NPSR1: variants seen among roughly 807,000 people sequenced by gnomAD.
NPSR1 encodes neuropeptide S receptor 1, also known as neuropeptide S receptor.
NPSR1 carries 48 observed loss-of-function variants against 46.9 expected under a neutral mutation model. The observed-to-expected ratio is 1.02, with a 90% CI of 0.81 to 1.30. The LOEUF (loss-of-function observed/expected upper bound fraction) is 1.30, where lower values mean the gene tolerates loss of function less well. Among genes scored for constraint, NPSR1 ranks in the 50% most tolerant of loss-of-function variants. The probability of loss-of-function intolerance (pLI) is 0.00; values close to 1 mark genes in which losing one functional copy is unlikely to be tolerated. For missense variants in NPSR1, 450 were observed against 449.5 expected, an observed-to-expected ratio of 1.00 and a Z score of -0.01; for synonymous variants, 176 against 168.1, an observed-to-expected ratio of 1.05 and a Z score of -0.36.
chr7:34,765,743 CTT>C (rs1009830314), intron 2 of NPSR1, among the ~76,000 whole-genome samples: 1 of 152,174 alleles, frequency 6.6e-6, no homozygotes, highest in African/African-American at 2.4e-5. Context: ...GAAATCATGT[CTT>C]TACAGCAACT....
At chr7:34,669,051 C>T (rs1458539) in intron 1 of NPSR1, among the ~76,000 whole-genome samples, 20,100 of 152,144 alleles carry the variant, frequency 0.13, 1,481 homozygotes, top group African/African-American at 0.19. Context: ...AATCCAAAAA[C>T]TTTTACCCAG....
intron 1 of NPSR1, among the ~76,000 whole-genome samples, chr7:34,677,798 G>A (rs576428689): frequency 4.6e-5 from 7 of 152,314 alleles, no homozygotes; most frequent in Admixed American, 2.0e-4. Context: ...AATTTCTGTG[G>A]GAGGTTTACT....
chr7:34,748,760 G>T (rs987458060), intron 2 of NPSR1, among the ~76,000 whole-genome samples: 2 of 152,026 alleles, frequency 1.3e-5, no homozygotes, highest in East Asian at 3.9e-4. Context: ...TTGCTGGAGT[G>T]GGGGAAATAT....
rs756319448 is a variant in NPSR1, at chr7:34,827,489, A to T, written c.567A>T (p.Thr189=). 6.2e-7 allele frequency: 1 copy of T among 1,614,124 alleles called. No homozygotes were observed. Among genetic ancestry groups the T allele is most frequent in the South Asian group, 1.1e-5 (1 of 91,078 alleles). ...IPTLIIFGKR[T]LSNGEVQCWA... The stretch of plus-strand genomic sequence containing the variant: ...CCCTGATCATATTTGGGAAGAGGAC[A>T]CTGTCCAACGGTGAAGTGCAGTGCT... The change falls in exon 5 of 9, where the codon ACA becomes ACT. Residue 189 remains threonine, a synonymous_variant. Coordinates refer to ENST00000360581, the MANE Select transcript of NPSR1 (RefSeq NM_207172.2).
At chr7:34,836,657 CAGAAAGA>C (rs1790383398) in intron 6 of NPSR1, among the ~76,000 whole-genome samples, 1 of 122,666 alleles carries the variant, frequency 8.2e-6, no homozygotes, top group African/African-American at 3.2e-5. Flanking sequence ...GAAAGAAAGA[CAGAAAGA>C]AGAAAGAAAG....
chr7:34,747,264 C>CT (rs1325416055), intron 2 of NPSR1, among the ~76,000 whole-genome samples: 2 of 152,180 alleles, frequency 1.3e-5, no homozygotes, highest in African/African-American at 4.8e-5. Context: ...GTAACCCACC[C>CT]TACCCACTTT....
chr7:34,843,396 A>T (rs998168621), intron 6 of NPSR1, among the ~76,000 whole-genome samples: 6 of 152,150 alleles, frequency 3.9e-5, no homozygotes, highest in African/African-American at 7.2e-5. Flanking sequence ...CCACAATAAC[A>T]CAATAATAGC....
intron 3 of NPSR1, among the ~76,000 whole-genome samples, chr7:34,806,235 T>C (rs1210807418): frequency 1.3e-5 from 2 of 152,094 alleles, no homozygotes; most frequent in Non-Finnish European, 2.9e-5. Context: ...TATTGTAGCT[T>C]TATTCATAAT....
intron 2 of NPSR1, among the ~76,000 whole-genome samples, chr7:34,688,271 C>T (rs563519354): frequency 5.3e-5 from 8 of 152,214 alleles, no homozygotes; most frequent in South Asian, 2.1e-4. Flanking sequence ...CCATGCACAA[C>T]GTTCAGCACT....
At chr7:34,711,717 G>A (rs1351538629) in intron 2 of NPSR1, among the ~76,000 whole-genome samples, 1 of 152,242 alleles carries the variant, frequency 6.6e-6, no homozygotes, top group African/African-American at 2.4e-5. Context: ...GCCTAGCCCA[G>A]AGCCTGCTCA....
intron 1 of NPSR1, among the ~76,000 whole-genome samples, chr7:34,665,640 T>C (rs139863378): frequency 5.3e-5 from 8 of 152,350 alleles, no homozygotes; most frequent in Non-Finnish European, 8.8e-5. Context: ...CTTTTTCTTC[T>C]GATATCACGC....
chr7:34,863,948 C>A (rs1452140868), intron 8 of NPSR1, among the ~76,000 whole-genome samples: 1 of 151,738 alleles, frequency 6.6e-6, no homozygotes, highest in African/African-American at 2.4e-5. Context: ...CAGCACTGTT[C>A]ACAATAGCAA....
At chr7:34,770,172 C>T (rs35903633) in intron 2 of NPSR1, among the ~76,000 whole-genome samples, 3,463 of 152,176 alleles carry the variant, frequency 0.023, 116 homozygotes, top group African/African-American at 0.078. Flanking sequence ...ATAATCTTTC[C>T]GTTTTTTAAA....
rs189928669 is a variant in NPSR1 at position 34,847,163 on chromosome 7, C to A, written c.845-1320C>A. ...AGAGGGGAAACATGAGTCAGTTTAT[C>A]ATTCCAAAATTCCCAACAAGTTACA... On this transcript the variant is annotated intron_variant, in intron 7 of 8. Transcript: ENST00000360581. Among the ~76,000 whole-genome samples the A allele has an allele frequency of 7.7e-3, 1,166 of 152,272 alleles. 10 individuals carry two copies. Among genetic ancestry groups the A allele is most frequent in the Middle Eastern group, 0.014 (4 of 294 alleles).
intron 2 of NPSR1, among the ~76,000 whole-genome samples, chr7:34,772,777 A>G (rs1452696497): frequency 6.6e-6 from 1 of 152,174 alleles, no homozygotes; most frequent in Non-Finnish European, 1.5e-5. Flanking sequence ...GTCTGCCATC[A>G]ATCACAACTT....
intron 2 of NPSR1, among the ~76,000 whole-genome samples, chr7:34,766,357 G>T (rs1482462430): frequency 2.0e-5 from 3 of 152,016 alleles, no homozygotes; most frequent in African/African-American, 7.3e-5. Context: ...CTGAGTATTT[G>T]TCCTAGAGAA....
intron 8 of NPSR1, among the ~76,000 whole-genome samples, chr7:34,876,152 G>A (rs1230953316): frequency 2.0e-5 from 3 of 152,108 alleles, no homozygotes; most frequent in Non-Finnish European, 2.9e-5. Flanking sequence ...GGATGCAGAC[G>A]GCAGAATTTG....
intron 2 of NPSR1, among the ~76,000 whole-genome samples, chr7:34,718,676 G>T (rs557496634): frequency 6.6e-6 from 1 of 152,292 alleles, no homozygotes; most frequent in East Asian, 1.9e-4. Context: ...GACTAGCAAA[G>T]GACAAAGCAG....
intron 2 of NPSR1, among the ~76,000 whole-genome samples, chr7:34,740,612 C>T (rs1381766672): frequency 2.0e-5 from 3 of 152,140 alleles, no homozygotes; most frequent in African/African-American, 7.2e-5. Context: ...TCACTTGGCT[C>T]TCTAAATTGA....
Sources: gnomAD v4.1 joint callset for allele counts (sites outside exome capture counted in the v4.1 genomes callset) on GRCh38, gnomAD v4.1.1 for gene constraint, MANE v1.5 for transcripts, NCBI Gene and HGNC (gene_info 2026-07-23, HGNC 2026-07-21) for gene names.